Variants in RPP38 observed in about 807,000 individuals in gnomAD.
RPP38 encodes ribonuclease P/MRP subunit p38, also known as ribonuclease P protein subunit p38.
In RPP38, 2 loss-of-function variants were observed where a neutral mutation model predicts 1.7. That is an observed-to-expected ratio of 1.18 (90% CI 0.48 to 3.70). The LOEUF (loss-of-function observed/expected upper bound fraction) is 3.70, where lower values mean the gene tolerates loss of function less well. RPP38 is among the 30% of genes most tolerant of loss of function. The pLI, the probability that RPP38 is intolerant of heterozygous loss-of-function variation, is 0.07. For synonymous variants in RPP38, 151 were observed against 131.8 expected, an observed-to-expected ratio of 1.15 and a Z score of -1.00; for missense variants, 358 against 340.1, an observed-to-expected ratio of 1.05 and a Z score of -0.41.
chr10:15,102,936 C>T (rs1240314334), intron 2 of RPP38: 3 of 164,480 alleles, frequency 1.8e-5, no homozygotes, highest in Non-Finnish European at 4.0e-5. Flanking sequence ...GCCTGTAATC[C>T]CAGCACTTTG....
chr10:15,103,201 A>G, intron 2 of RPP38, 104 bp from the exon 3 acceptor site: 1 of 1,101,170 alleles, frequency 9.1e-7, no homozygotes, highest in Non-Finnish European at 1.3e-6. Flanking sequence ...TCAAAAAATA[A>G]ATACATAAAT....
rs752793290 is a variant in RPP38 at position 15,103,925 on chromosome 10, G to C, written c.611G>C (p.Ser204Thr). Residue 204 changes from serine (S) to threonine (T), a missense_variant, in exon 3 of 3, where the codon AGT (serine) becomes ACT (threonine). By Grantham distance (58) the Ser-to-Thr change is moderately conservative. Transcript: ENST00000378197. ...ATCATCCCCAGAGTCCCCAGTTTAA[G>C]TGTACCATGGCTTCAAGACAGAATT... ...RAIIPRVPSL[S>T]VPWLQDRIED... is the part of the protein sequence containing the mutation. 1.9e-6 allele frequency: 3 copies of C among 1,614,202 alleles called. No individual in the cohort carries two copies. Among genetic ancestry groups the C allele is most frequent in the Non-Finnish European group, 2.5e-6 (3 of 1,180,042 alleles).
Position 15,104,041 on chromosome 10 carries a change from AAGAG to A in RPP38, c.729_732del (p.Arg244SerfsTer10). 6.2e-7 allele frequency: 1 copy of A among 1,614,168 alleles called. No individual in the cohort carries two copies. Reference sequence around the variant, plus strand: ...TTCATTTGAAGATCTGTCAAAACCTAAGAGAAAGCTTGCTGACGGTCGGCAGGCT... The same window carrying A: ...TTCATTTGAAGATCTGTCAAAACCTAAAAGCTTGCTGACGGTCGGCAGGCT... On this transcript the variant is annotated frameshift_variant, in exon 3 of 3. Transcript: ENST00000378197. LOFTEE classifies it high-confidence loss of function.
At chr10:15,097,961 G>A (rs1005940410) in intron 1 of RPP38, among the ~76,000 whole-genome samples, 195 bp downstream of exon 1, 8 of 152,112 alleles carry the variant, frequency 5.3e-5, no homozygotes, top group Admixed American at 1.3e-4. Flanking sequence ...AGTCCTTTCT[G>A]CGGCGTCTCT....
At chr10:15,099,733 C>G (rs889203477) in intron 1 of RPP38, among the ~76,000 whole-genome samples, 4 of 152,174 alleles carry the variant, frequency 2.6e-5, no homozygotes, top group African/African-American at 9.7e-5. Flanking sequence ...TCCAGCTTGT[C>G]CTCCCAAAGT....
intron 1 of RPP38, among the ~76,000 whole-genome samples, chr10:15,100,713 T>G (rs1434395141): frequency 3.3e-5 from 5 of 151,802 alleles, no homozygotes; most frequent in Non-Finnish European, 7.4e-5. Context: ...TATGGAGTCT[T>G]GCTGTCGCCC....
intron 1 of RPP38, among the ~76,000 whole-genome samples, chr10:15,099,110 G>A (rs558976347): frequency 6.6e-6 from 1 of 152,322 alleles, no homozygotes; most frequent in South Asian, 2.1e-4. Flanking sequence ...GCACATCGTG[G>A]ATAATCGATA....
At chr10:15,098,226 GTTTTTTTTTTT>G (rs60451551) in intron 1 of RPP38, among the ~76,000 whole-genome samples, 4 of 88,010 alleles carry the variant, frequency 4.5e-5, no homozygotes, top group Non-Finnish European at 6.2e-5. Context: ...ATTTGAACGT[GTTTTTTTTTTT>G]TTTTTTTTTT....
At position 15,103,697 on chromosome 10, in the gene RPP38, A is replaced by G; in HGVS notation, c.383A>G (p.Glu128Gly). 1 of 1,613,970 alleles carries G rather than the reference A, an allele frequency of 6.2e-7. No individual in the cohort carries two copies. The highest frequency in any genetic ancestry group is 1.1e-5 in the South Asian group (1 of 91,080). ...NEVTRALERR[E>G]LLLVLVCKSV... ...GTTACCAGAGCCCTGGAAAGGAGGGAACTGCTGTTAGTTCTGGTGTGTAAA... is the reference window on the plus strand; with the variant it reads ...GTTACCAGAGCCCTGGAAAGGAGGGGACTGCTGTTAGTTCTGGTGTGTAAA... Residue 128 changes from glutamate (E) to glycine (G), a missense_variant, in exon 3 of 3, where the codon GAA (glutamate) becomes GGA (glycine). Physicochemically the swap from Glu to Gly is moderately conservative, Grantham distance 98. Transcript: ENST00000378197.
At chr10:15,100,756 C>A (rs1319625735) in intron 1 of RPP38, among the ~76,000 whole-genome samples, 1 of 151,852 alleles carries the variant, frequency 6.6e-6, no homozygotes, top group African/African-American at 2.4e-5. Flanking sequence ...TCTTGACTCA[C>A]TACAACCTCC....
intron 1 of RPP38, among the ~76,000 whole-genome samples, chr10:15,101,885 C>T (rs79633149): frequency 5.5e-4 from 82 of 150,268 alleles, no homozygotes; most frequent in African/African-American, 1.9e-3. Flanking sequence ...AGCAAAACTC[C>T]GTCTCAAAAA....
chr10:15,097,907 C>G (rs1465751699), intron 1 of RPP38, 141 bp downstream of exon 1: 1 of 152,226 alleles, frequency 6.6e-6, no homozygotes, highest in African/African-American at 2.4e-5. Context: ...ACTACTGTGT[C>G]GGGAGATTCT....
chr10:15,103,349 C>T lies in RPP38; in HGVS notation c.35C>T (p.Ser12Phe), dbSNP rs767449033. Residue 12 changes from serine to phenylalanine, a missense_variant, in exon 3 of 3, where the codon TCT becomes TTT. By Grantham distance (155) the Ser-to-Phe change is radical. Transcript: ENST00000378197. ...GCTCCTCAAGCACCGGGGCGGGGAT[C>T]TCTCCGTAAGACGAGACCTCTGGTT... ...AAAPQAPGRG[S>F]LRKTRPLVVK... 5.4e-5 allele frequency: 86 copies of T among 1,595,816 alleles called. No homozygotes were observed. Among genetic ancestry groups the T allele is most frequent in the Non-Finnish European group, 7.2e-5 (84 of 1,172,694 alleles).
At position 15,103,717 on chromosome 10, in the gene RPP38, T is replaced by G; in HGVS notation, c.403T>G (p.Cys135Gly). 1 of 1,613,910 alleles carries G rather than the reference T, an allele frequency of 6.2e-7. No homozygotes were observed. Among genetic ancestry groups the G allele is most frequent in the East Asian group, 2.2e-5 (1 of 44,888 alleles). The stretch of plus-strand genomic sequence containing the variant: ...GAGGGAACTGCTGTTAGTTCTGGTG[T>G]GTAAATCAGTCAAGCCTGCCATGAT... Reference protein sequence around the residue: ...ERRELLLVLVCKSVKPAMITS... With the variant: ...ERRELLLVLVGKSVKPAMITS... The change falls in exon 3 of 3, where the codon TGT (cysteine) becomes GGT (glycine). Residue 135 changes from cysteine (C) to glycine (G), a missense_variant. Transcript: ENST00000378197.
intron 1 of RPP38, among the ~76,000 whole-genome samples, chr10:15,100,685 C>CTT (rs772202998): frequency 4.9e-5 from 7 of 143,784 alleles, no homozygotes; most frequent in Non-Finnish European, 6.1e-5. Context: ...ACGAGGGCAA[C>CTT]TTTTTTTTTT....
rs750418628 is a variant in RPP38 at position 15,103,496 on chromosome 10, A to C, written c.182A>C (p.Glu61Ala). The C allele has an allele frequency of 1.3e-5, 21 of 1,614,080 alleles. No homozygotes were observed. The highest frequency in any genetic ancestry group is 1.8e-5 in the Non-Finnish European group (21 of 1,180,018). Residue 61 changes from glutamate (E) to alanine (A), a missense_variant, in exon 3 of 3, where the codon GAA becomes GCA. Glu to Ala is a moderately radical substitution (Grantham distance 107, BLOSUM62 -1). Coordinates refer to ENST00000378197, the MANE Select transcript of RPP38 (RefSeq NM_183005.5). Reference protein sequence around the residue: ...RLKAIGLQKIEDKKKKNKTPF... With the variant: ...RLKAIGLQKIADKKKKNKTPF... ...AAAGCTATTGGACTTCAGAAGATTG[A>C]AGATAAGAAGAAAAAGAACAAAACA...
chr10:15,104,003 A>G lies in RPP38; in HGVS notation c.689A>G (p.Glu230Gly). The G allele has an allele frequency of 6.2e-7, 1 of 1,614,150 alleles. No homozygotes were observed. ...GAACCTCTGGAAAGCCAAGACAGAGAGCTTTTGGACACTTCATTTGAAGAT... is the reference window on the plus strand; with the variant it reads ...GAACCTCTGGAAAGCCAAGACAGAGGGCTTTTGGACACTTCATTTGAAGAT... ...ETEPLESQDR[E>G]LLDTSFEDLS... is the part of the protein sequence containing the mutation. The change falls in exon 3 of 3, where the codon GAG becomes GGG. Residue 230 changes from glutamate to glycine, a missense_variant. Coordinates refer to ENST00000378197, the MANE Select transcript of RPP38 (RefSeq NM_183005.5).
chr10:15,101,452 C>T (rs1845105590), intron 1 of RPP38, among the ~76,000 whole-genome samples: 1 of 152,164 alleles, frequency 6.6e-6, no homozygotes, highest in African/African-American at 2.4e-5. Flanking sequence ...AGGATATGCC[C>T]TCTGGACCAA....
intron 1 of RPP38, among the ~76,000 whole-genome samples, chr10:15,098,039 C>T (rs769145726): frequency 9.9e-5 from 15 of 152,138 alleles, no homozygotes; most frequent in Non-Finnish European, 1.8e-4. Flanking sequence ...GGGACTCTTC[C>T]TTTGCCCAGA....
Sources: allele counts gnomAD v4.1 joint callset (sites outside exome capture counted in the v4.1 genomes callset), GRCh38; gene constraint gnomAD v4.1.1; transcripts MANE v1.5; gene names NCBI Gene and HGNC (gene_info 2026-07-23, HGNC 2026-07-21).